The following WDPCP variants were observed in gnomAD, a reference collection of about 807,000 sequenced individuals.
The protein encoded by WDPCP is WD repeat containing planar cell polarity effector, also known as WD repeat-containing and planar cell polarity effector protein fritz homolog.
WDPCP carries 71 observed loss-of-function variants against 93.1 expected under a neutral mutation model. That is an observed-to-expected ratio of 0.76 (90% CI 0.63 to 0.93). WDPCP has a LOEUF of 0.93. WDPCP is among the 40% of genes least tolerant of loss of function. WDPCP has a pLI of 0.00. For missense variants in WDPCP, 844 were observed against 887.4 expected, an observed-to-expected ratio of 0.95 and a Z score of 0.62; for synonymous variants, 315 against 315.0, an observed-to-expected ratio of 1.00 and a Z score of 0.00.
At chr2:63,789,190 A>G (rs1425804894) in intron 2 of WDPCP, among the ~76,000 whole-genome samples, 1 of 152,208 alleles carries the variant, frequency 6.6e-6, no homozygotes, top group East Asian at 1.9e-4. Context: ...TAAAAACATT[A>G]TATCATTTTT....
intron 14 of WDPCP, among the ~76,000 whole-genome samples, chr2:63,223,209 T>A (rs910565409): frequency 6.6e-6 from 1 of 152,176 alleles, no homozygotes; most frequent in African/African-American, 2.4e-5. Flanking sequence ...ATGAATTCTA[T>A]TCATACTTGA....
At chr2:63,779,247 A>AGGAACTGTGAAAATGCT (rs1448379638) in intron 2 of WDPCP, among the ~76,000 whole-genome samples, 7 of 152,222 alleles carry the variant, frequency 4.6e-5, no homozygotes, top group African/African-American at 1.4e-4. Context: ...AAGACCTAGC[A>AGGAACTGTGAAAATGCT]GGAACTGTGA....
At position 63,122,118 on chromosome 2, in the gene WDPCP, G is replaced by A. The variant is rs1669583038; in HGVS notation, c.2191-62C>T. The A allele has an allele frequency of 9.1e-6, 12 of 1,323,736 alleles. No homozygotes were observed. In the Admixed American group the frequency reaches 2.1e-4, roughly 24 times the overall value. 82.0% of individuals were successfully genotyped at this position (1,323,736 alleles called of 1,614,324 possible). A position where few individuals can be genotyped will look rare whatever the true frequency, so the allele number is the denominator to read the frequency against. The stretch of plus-strand genomic sequence containing the variant: ...GTAAAAAGTAATTGACTTAACATTT[G>A]TATCTTTATTATTTTTAAGTACTGA... On this transcript the variant is annotated intron_variant, in intron 17 of 17. Coordinates refer to ENST00000272321, the MANE Select transcript of WDPCP (RefSeq NM_015910.7).
At chr2:63,391,159 G>A (rs908615127) in intron 10 of WDPCP, among the ~76,000 whole-genome samples, 7 of 152,226 alleles carry the variant, frequency 4.6e-5, no homozygotes, top group East Asian at 1.9e-4. Context: ...CTGGCAAACC[G>A]AATCCAGCAG....
At chr2:63,427,079 C>G (rs1463008885) in intron 9 of WDPCP, among the ~76,000 whole-genome samples, 1 of 152,196 alleles carries the variant, frequency 6.6e-6, no homozygotes, top group Non-Finnish European at 1.5e-5. Flanking sequence ...CTGGAGCACC[C>G]ACATTCATAA....
At chr2:63,219,652 A>T (rs1677649717) in intron 14 of WDPCP, among the ~76,000 whole-genome samples, 1 of 152,232 alleles carries the variant, frequency 6.6e-6, no homozygotes, top group Admixed American at 6.5e-5. Context: ...AAAAAATTCT[A>T]ATGTGAATGA....
intron 1 of WDPCP, among the ~76,000 whole-genome samples, chr2:63,496,251 G>C (rs1218138036): frequency 6.6e-6 from 1 of 152,072 alleles, no homozygotes; most frequent in Non-Finnish European, 1.5e-5. Context: ...ATCAAAAGAA[G>C]ACAACACTTG....
At chr2:63,549,227 G>A (rs941605442) in intron 1 of WDPCP, among the ~76,000 whole-genome samples, 1 of 141,766 alleles carries the variant, frequency 7.1e-6, no homozygotes, top group Non-Finnish European at 1.5e-5. Context: ...TTCAACCTGG[G>A]CAATAGAGTG....
At chr2:63,255,801 A>G (rs535356460) in intron 14 of WDPCP, among the ~76,000 whole-genome samples, 2 of 152,322 alleles carry the variant, frequency 1.3e-5, no homozygotes, top group South Asian at 2.1e-4. Flanking sequence ...AGAAAATTCA[A>G]AAGAATTTAC....
intron 17 of WDPCP, among the ~76,000 whole-genome samples, chr2:63,142,021 CTCT>C (rs776893708): frequency 6.6e-6 from 1 of 152,108 alleles, no homozygotes; most frequent in African/African-American, 2.4e-5. Flanking sequence ...TGGCTTCTCT[CTCT>C]TCTTCTCTTG....
chr2:63,826,761 T>C (rs1273304596), intron 1 of WDPCP, among the ~76,000 whole-genome samples: 1 of 152,152 alleles, frequency 6.6e-6, no homozygotes, highest in Non-Finnish European at 1.5e-5. Context: ...CCTCTTCTAC[T>C]CTTTAAAAAA....
At chr2:63,405,644 G>C (rs570513259) in intron 9 of WDPCP, among the ~76,000 whole-genome samples, 1 of 150,016 alleles carries the variant, frequency 6.7e-6, no homozygotes, top group African/African-American at 2.4e-5. Context: ...ACTGCAATAT[G>C]ATTTGTCAAT....
chr2:63,603,895 G>A (rs553623471), intron 3 of WDPCP, among the ~76,000 whole-genome samples: 26 of 152,302 alleles, frequency 1.7e-4, no homozygotes, highest in African/African-American at 6.0e-4. Flanking sequence ...AACCTCAGGT[G>A]ATCTGCCCGC....
At chr2:63,836,776 C>T in the WDPCP span, among the ~76,000 whole-genome samples, 2 of 152,148 alleles carry the variant, frequency 1.3e-5, no homozygotes, top group African/African-American at 4.8e-5. Context: ...GGGGAACATG[C>T]AGAACAGACT....
intron 3 of WDPCP, among the ~76,000 whole-genome samples, chr2:63,601,881 C>T (rs1709425025): frequency 6.6e-6 from 1 of 152,146 alleles, no homozygotes; most frequent in South Asian, 2.1e-4. Context: ...TTTCTATATA[C>T]CATACCAGCT....
At chr2:63,244,910 A>G (rs1680152532) in intron 14 of WDPCP, among the ~76,000 whole-genome samples, 1 of 152,150 alleles carries the variant, frequency 6.6e-6, no homozygotes, top group Admixed American at 6.6e-5. Context: ...GAAGTTGACT[A>G]GAGAGTTTAA....
At chr2:63,424,531 G>A (rs1696117452) in intron 9 of WDPCP, among the ~76,000 whole-genome samples, 1 of 152,150 alleles carries the variant, frequency 6.6e-6, no homozygotes, top group Non-Finnish European at 1.5e-5. Flanking sequence ...CTTTGCTGGT[G>A]GCCTTGGAGC....
At chr2:63,416,642 G>C (rs935111443) in intron 9 of WDPCP, among the ~76,000 whole-genome samples, 2 of 151,922 alleles carry the variant, frequency 1.3e-5, no homozygotes, top group East Asian at 3.9e-4. Context: ...TCATGCCTCA[G>C]CCTCCCGAGT....
chr2:63,313,181 T>C (rs1686309867), intron 13 of WDPCP, 67 bp downstream of exon 13: 1 of 1,450,054 alleles, frequency 6.9e-7, no homozygotes. Context: ...ATCCTTTTTA[T>C]GGTCACAAAA....
Sources: allele counts gnomAD v4.1 joint callset (sites outside exome capture counted in the v4.1 genomes callset), GRCh38; gene constraint gnomAD v4.1.1; transcripts MANE v1.5; gene names NCBI Gene and HGNC (gene_info 2026-07-23, HGNC 2026-07-21).